KIAA1549L: variants seen among roughly 807,000 people sequenced by gnomAD.
The protein encoded by KIAA1549L is KIAA1549 like.
In KIAA1549L, 88 loss-of-function variants were observed where a neutral mutation model predicts 160.7. That is an observed-to-expected ratio of 0.55 (90% CI 0.46 to 0.65). The LOEUF is 0.65. KIAA1549L is among the 30% of genes least tolerant of loss of function. The pLI is 0.00. For synonymous variants in KIAA1549L, 950 were observed against 976.7 expected (o/e 0.97, Z 0.51); for missense variants, 2,258 against 2,437.5 (o/e 0.93, Z 1.55).
intron 1 of KIAA1549L, among the ~76,000 whole-genome samples, chr11:33,529,715 G>T (rs180861966): frequency 6.6e-5 from 10 of 152,232 alleles, no homozygotes; most frequent in Non-Finnish European, 1.0e-4. Context: ...CTTTTATGAT[G>T]GGGTGATTTC....
chr11:33,586,621 A>T (rs1296887851), intron 11 of KIAA1549L, among the ~76,000 whole-genome samples: 1 of 152,090 alleles, frequency 6.6e-6, no homozygotes, highest in African/African-American at 2.4e-5. Flanking sequence ...CAGATGCAGG[A>T]TGGAGCTTGG....
rs188334972 is a variant in KIAA1549L at position 33,550,240 on chromosome 11, C to G, written c.3502-800C>G. Among the ~76,000 whole-genome samples, 9 of 151,696 alleles carry G rather than the reference C, an allele frequency of 5.9e-5. No homozygotes were observed. In the East Asian group the frequency reaches 1.7e-3, roughly 29 times the overall value. ...CAATAAAAACTTGGAAAAAAAGGAG[C>G]TGCATACATATACGTATGTGTATAT... On this transcript the variant is annotated intron_variant, in intron 4 of 20. Coordinates refer to ENST00000658780, the MANE Select transcript of KIAA1549L (RefSeq NM_012194.3).
At chr11:33,401,021 C>A (rs1850487769) in intron 1 of KIAA1549L, among the ~76,000 whole-genome samples, 1 of 152,006 alleles carries the variant, frequency 6.6e-6, no homozygotes, top group Non-Finnish European at 1.5e-5. Flanking sequence ...TCTGCCTTTC[C>A]TCTGCCCCAT....
chr11:33,570,456 G>A (rs1382886285), intron 9 of KIAA1549L, among the ~76,000 whole-genome samples: 1 of 152,076 alleles, frequency 6.6e-6, no homozygotes, highest in African/African-American at 2.4e-5. Flanking sequence ...TTGGCAGGAG[G>A]AATTTGCTAT....
chr11:33,395,183 G>T (rs752721054), intron 1 of KIAA1549L, among the ~76,000 whole-genome samples: 3 of 152,216 alleles, frequency 2.0e-5, no homozygotes, highest in Admixed American at 2.0e-4. Flanking sequence ...ACTCTAGCAG[G>T]ACAGGAACTT....
At chr11:33,423,863 A>G (rs1473909428) in intron 1 of KIAA1549L, among the ~76,000 whole-genome samples, 1 of 152,192 alleles carries the variant, frequency 6.6e-6, no homozygotes. Context: ...TGCTGTCTCT[A>G]CAAATAATAA....
intron 1 of KIAA1549L, among the ~76,000 whole-genome samples, chr11:33,432,498 T>C (rs1215855638): frequency 6.6e-6 from 1 of 152,224 alleles, no homozygotes; most frequent in Non-Finnish European, 1.5e-5. Flanking sequence ...TAATTTTGTG[T>C]GTTCTTTCTG....
chr11:33,492,849 G>A (rs1565157694), intron 1 of KIAA1549L, among the ~76,000 whole-genome samples: 2 of 152,078 alleles, frequency 1.3e-5, no homozygotes, highest in South Asian at 4.2e-4. Flanking sequence ...AGATCTCAGC[G>A]CTGTTTGGAG....
intron 16 of KIAA1549L, among the ~76,000 whole-genome samples, chr11:33,620,619 T>C (rs1342504352): frequency 2.0e-5 from 3 of 152,188 alleles, no homozygotes; most frequent in Admixed American, 2.0e-4. Context: ...ATTGTATGGA[T>C]GAAGAAACTG....
rs368443692 is a variant in KIAA1549L at position 33,586,389 on chromosome 11, C to A, written c.4566+2888C>A. 3.3e-5 allele frequency among the ~76,000 whole-genome samples: 5 copies of A among 151,770 alleles called. No homozygotes were observed. In the East Asian group the frequency reaches 9.8e-4, roughly 30 times the overall value. ...ACAAGGTACCATGGACTACCCCATT[C>A]CCATTGTTATCAGGTGGGCTTCTGC... On this transcript the variant is annotated intron_variant, in intron 11 of 20. Coordinates refer to ENST00000658780, the MANE Select transcript of KIAA1549L (RefSeq NM_012194.3).
intron 16 of KIAA1549L, among the ~76,000 whole-genome samples, chr11:33,633,042 C>G (rs11605605): frequency 6.7e-6 from 1 of 149,978 alleles, no homozygotes; most frequent in Admixed American, 6.7e-5. Flanking sequence ...ATGGTGTGGT[C>G]TCAGCTCACT....
At chr11:33,544,705 T>C in intron 2 of KIAA1549L, 62 bp from the exon 3 acceptor site, 1 of 1,528,394 alleles carries the variant, frequency 6.5e-7, no homozygotes, top group East Asian at 2.3e-5. Flanking sequence ...CCATTCATCA[T>C]CAGAACAAGT....
In KIAA1549L at chr11:33,408,781, C is replaced by CAA. The variant is rs71034683; in HGVS notation, c.238+31910_238+31911dup. ...TGAAACCCCATCACTACTAAAAATA[C>CAA]AAAAAAAAAAAAAAAAAAATTAGCC... On this transcript the variant is annotated intron_variant, in intron 1 of 20. Transcript: ENST00000658780. 9.0e-3 allele frequency among the ~76,000 whole-genome samples: 1,041 copies of CAA among 115,296 alleles called. 17 individuals carry two copies. Among genetic ancestry groups the CAA allele is most frequent in the Non-Finnish European group, 0.014 (820 of 58,390 alleles). 75.6% of individuals were successfully genotyped at this position (115,296 alleles called of 152,430 possible).
At chr11:33,435,550 A>G (rs1851334823) in intron 1 of KIAA1549L, among the ~76,000 whole-genome samples, 1 of 151,636 alleles carries the variant, frequency 6.6e-6, no homozygotes, top group African/African-American at 2.4e-5. Flanking sequence ...GTTGCTTTTA[A>G]AAAACATTTT....
chr11:33,535,587 C>G (rs1853875388), intron 1 of KIAA1549L, among the ~76,000 whole-genome samples: 1 of 151,932 alleles, frequency 6.6e-6, no homozygotes, highest in African/African-American at 2.4e-5. Context: ...TGAGAGGAAC[C>G]CTTGAGTCCA....
chr11:33,491,388 G>A (rs1852660211), intron 1 of KIAA1549L, among the ~76,000 whole-genome samples: 1 of 152,158 alleles, frequency 6.6e-6, no homozygotes, highest in African/African-American at 2.4e-5. Flanking sequence ...GAAATTGTAG[G>A]GCTAACGTTA....
chr11:33,469,964 G>A (rs1852143800), intron 1 of KIAA1549L, among the ~76,000 whole-genome samples: 1 of 152,160 alleles, frequency 6.6e-6, no homozygotes, highest in Admixed American at 6.5e-5. Flanking sequence ...CTTCCATTCT[G>A]TGGGTTTTAC....
At chr11:33,547,392 G>A (rs1854300191) in intron 3 of KIAA1549L, among the ~76,000 whole-genome samples, 1 of 152,202 alleles carries the variant, frequency 6.6e-6, no homozygotes, top group Admixed American at 6.5e-5. Flanking sequence ...ATCCAGGGTT[G>A]TTTGAGGCCG....
chr11:33,472,275 CTTTTTTTTTTT>C (rs76771436), intron 1 of KIAA1549L, among the ~76,000 whole-genome samples: 25 of 102,782 alleles, frequency 2.4e-4, no homozygotes, highest in African/African-American at 3.1e-4. Context: ...TCATGCCTGG[CTTTTTTTTTTT>C]TTTTTTTTTT....
Sources: allele counts gnomAD v4.1 joint callset (sites outside exome capture counted in the v4.1 genomes callset), GRCh38; gene constraint gnomAD v4.1.1; transcripts MANE v1.5; gene names NCBI Gene and HGNC (gene_info 2026-07-23, HGNC 2026-07-21).